Variants in CYSTM1 observed in about 807,000 individuals in gnomAD.
CYSTM1 encodes the protein cysteine rich transmembrane module containing 1, also known as cysteine-rich transmembrane module-containing protein 1.
A neutral mutation model predicts 13.1 loss-of-function variants in CYSTM1; 4 were observed. The ratio of observed to expected loss-of-function variants is 0.31; its 90% CI spans 0.15 to 0.70. The LOEUF is 0.70. CYSTM1 is among the 30% of genes least tolerant of loss of function. The pLI is 0.72. For missense variants in CYSTM1, 96 were observed against 121.6 expected, an observed-to-expected ratio of 0.79 and a Z score of 0.99; for synonymous variants, 36 against 42.7, an observed-to-expected ratio of 0.84 and a Z score of 0.62.
intron 1 of CYSTM1, 89 bp from the exon 2 acceptor site, chr5:140,194,357 A>G (rs2126657367): frequency 1.6e-6 from 2 of 1,271,856 alleles, no homozygotes; most frequent in Non-Finnish European, 2.1e-6. Context: ...CCTTGAAGGT[A>G]TTTTGTAAAT....
intron 1 of CYSTM1, among the ~76,000 whole-genome samples, chr5:140,183,799 G>T (rs1763986337): frequency 6.6e-6 from 1 of 152,228 alleles, no homozygotes. Context: ...CATACATGAT[G>T]AATGAAGGCT....
chr5:140,207,533 C>G (rs1214641868), intron 2 of CYSTM1, among the ~76,000 whole-genome samples: 1 of 152,188 alleles, frequency 6.6e-6, no homozygotes, highest in Non-Finnish European at 1.5e-5. Flanking sequence ...ATTGCCTCAC[C>G]TGACCCTTGG....
intron 2 of CYSTM1, among the ~76,000 whole-genome samples, chr5:140,194,987 T>C (rs1330573121): frequency 1.3e-5 from 2 of 152,248 alleles, no homozygotes; most frequent in African/African-American, 4.8e-5. Flanking sequence ...GTTTAGTAAT[T>C]AGCCTCTTGA....
intron 2 of CYSTM1, among the ~76,000 whole-genome samples, chr5:140,228,027 C>T (rs1764580352): frequency 6.6e-6 from 1 of 152,166 alleles, no homozygotes; most frequent in Admixed American, 6.5e-5. Context: ...CGTGGAAGAA[C>T]CACCTGGTTC....
chr5:140,222,817 A>G (rs1275517385), intron 2 of CYSTM1, among the ~76,000 whole-genome samples: 1 of 152,254 alleles, frequency 6.6e-6, no homozygotes. Context: ...GAGTCTAGTT[A>G]GGGAATATGG....
intron 2 of CYSTM1, among the ~76,000 whole-genome samples, chr5:140,203,461 T>G (rs1300549449): frequency 6.6e-6 from 1 of 152,310 alleles, no homozygotes; most frequent in East Asian, 1.9e-4. Context: ...ACTTCATTCC[T>G]TGTTGGGAGA....
At chr5:140,187,395 T>C (rs1764031300) in intron 1 of CYSTM1, among the ~76,000 whole-genome samples, 1 of 152,094 alleles carries the variant, frequency 6.6e-6, no homozygotes. Flanking sequence ...GATAAGGTCT[T>C]GCACGGTCTC....
intron 2 of CYSTM1, among the ~76,000 whole-genome samples, chr5:140,241,893 C>A (rs1485021952): frequency 6.6e-6 from 1 of 152,230 alleles, no homozygotes; most frequent in Non-Finnish European, 1.5e-5. Flanking sequence ...TATGAGCAAG[C>A]CTGGCTTGCC....
intron 2 of CYSTM1, among the ~76,000 whole-genome samples, chr5:140,234,659 A>C (rs1042817267): frequency 6.6e-6 from 1 of 152,180 alleles, no homozygotes; most frequent in Admixed American, 6.5e-5. Context: ...TAAATGAGGT[A>C]TACTATTCAT....
intron 2 of CYSTM1, among the ~76,000 whole-genome samples, chr5:140,235,840 G>A (rs753052821): frequency 1.3e-5 from 2 of 152,196 alleles, no homozygotes; most frequent in Non-Finnish European, 2.9e-5. Flanking sequence ...TGAGGCAGTG[G>A]CATTACAAGA....
intron 2 of CYSTM1, among the ~76,000 whole-genome samples, chr5:140,212,856 A>G (rs1764384572): frequency 6.6e-6 from 1 of 151,296 alleles, no homozygotes. Flanking sequence ...AATCCCAGCT[A>G]CTAGAGAGGC....
chr5:140,217,091 T>C (rs1764437631), intron 2 of CYSTM1, among the ~76,000 whole-genome samples: 1 of 152,194 alleles, frequency 6.6e-6, no homozygotes, highest in South Asian at 2.1e-4. Flanking sequence ...GGCTTTTTTC[T>C]TTCTTTTTTA....
chr5:140,235,745 C>T (rs967352183), intron 2 of CYSTM1, among the ~76,000 whole-genome samples: 2 of 152,166 alleles, frequency 1.3e-5, no homozygotes, highest in African/African-American at 4.8e-5. Flanking sequence ...TATTTTGGGG[C>T]TTCTCATACT....
At chr5:140,209,293 G>A (rs1764335594) in intron 2 of CYSTM1, among the ~76,000 whole-genome samples, 1 of 148,498 alleles carries the variant, frequency 6.7e-6, no homozygotes, top group Non-Finnish European at 1.5e-5. Context: ...TTGAGATGGA[G>A]TCTTGCTCTG....
chr5:140,237,388 C>G (rs1424942383), intron 2 of CYSTM1, among the ~76,000 whole-genome samples: 1 of 152,232 alleles, frequency 6.6e-6, no homozygotes, highest in Non-Finnish European at 1.5e-5. Context: ...CGAGCCTGAT[C>G]TTGTGCAGTG....
At chr5:140,208,200 T>A (rs1045748389) in intron 2 of CYSTM1, among the ~76,000 whole-genome samples, 3 of 152,200 alleles carry the variant, frequency 2.0e-5, no homozygotes, top group African/African-American at 7.2e-5. Context: ...TACATGCCCA[T>A]CAGCAGATGA....
At chr5:140,225,464 C>T (rs1241954817) in intron 2 of CYSTM1, among the ~76,000 whole-genome samples, 1 of 152,214 alleles carries the variant, frequency 6.6e-6, no homozygotes, top group African/African-American at 2.4e-5. Context: ...CCCCTGGACT[C>T]CAGCCTCTGG....
In CYSTM1 at chr5:140,219,933, C is replaced by T. The variant is rs1323753617; in HGVS notation, c.188-23372C>T. On this transcript the variant is annotated intron_variant, in intron 2 of 2. Coordinates refer to ENST00000261811, the MANE Select transcript of CYSTM1 (RefSeq NM_032412.4). This position sits in a 1 kb window ranked among gnomAD's most constrained non-coding sequence, Gnocchi z 4.1. ...GATCTCTGCCCATTTGGGCAAGTTC[C>T]AAAGAGCCAGCTCCACTCAAAGTAA... 1.3e-5 allele frequency among the ~76,000 whole-genome samples: 2 copies of T among 152,252 alleles called. No homozygotes were observed. Among genetic ancestry groups the T allele is most frequent in the Middle Eastern group, 3.4e-3 (1 of 294 alleles).
intron 2 of CYSTM1, among the ~76,000 whole-genome samples, chr5:140,231,872 T>C (rs185268176): frequency 6.6e-6 from 1 of 152,314 alleles, no homozygotes; most frequent in Non-Finnish European, 1.5e-5. Context: ...ATTTTGGTAT[T>C]TGTCTTGTGA....
Sources: allele counts gnomAD v4.1 joint callset (sites outside exome capture counted in the v4.1 genomes callset), GRCh38; gene constraint gnomAD v4.1.1; non-coding constraint Gnocchi (gnomAD v3.1); transcripts MANE v1.5; gene names NCBI Gene and HGNC (gene_info 2026-07-23, HGNC 2026-07-21).